The following B4GALNT3 variants were observed in gnomAD, a reference collection of about 807,000 sequenced individuals.
B4GALNT3 encodes the protein beta-1,4-N-acetyl-galactosaminyltransferase 3, also known as beta-1,4-N-acetylgalactosaminyltransferase 3.
A neutral mutation model predicts 120.2 loss-of-function variants in B4GALNT3; 86 were observed. The ratio of observed to expected loss-of-function variants is 0.72; its 90% CI spans 0.60 to 0.86. The LOEUF (loss-of-function observed/expected upper bound fraction) is 0.86. Ranked by LOEUF, B4GALNT3 falls within the 40% of genes least tolerant of loss-of-function variation. The pLI, the probability that B4GALNT3 is intolerant of heterozygous loss-of-function variation, is 0.00. For missense variants in B4GALNT3, 1,167 were observed against 1,298.9 expected (o/e 0.90, Z 1.56); for synonymous variants, 518 against 510.4 (o/e 1.01, Z -0.20).
At chr12:489,771 G>A (rs1187363995) in intron 1 of B4GALNT3, among the ~76,000 whole-genome samples, 1 of 152,170 alleles carries the variant, frequency 6.6e-6, no homozygotes, top group Admixed American at 6.5e-5. Flanking sequence ...GGATATAATT[G>A]ACATCTATGA....
chr12:556,036 G>A (rs1947152455), intron 14 of B4GALNT3, among the ~76,000 whole-genome samples: 2 of 152,012 alleles, frequency 1.3e-5, no homozygotes, highest in South Asian at 2.1e-4. Context: ...ACCTGCCTTG[G>A]CCTCCCAAAA....
At chr12:538,833 C>T (rs1946887290) in intron 3 of B4GALNT3, among the ~76,000 whole-genome samples, 1 of 152,186 alleles carries the variant, frequency 6.6e-6, no homozygotes, top group African/African-American at 2.4e-5. Context: ...CTTGCAGTCT[C>T]GCCACATTCT....
intron 1 of B4GALNT3, among the ~76,000 whole-genome samples, chr12:488,149 GA>G (rs200210120): frequency 0.13 from 16,353 of 127,544 alleles, 1,054 homozygotes; most frequent in East Asian, 0.24. Flanking sequence ...CTGAGAAGAA[GA>G]AAAAAAAAAA....
chr12:522,909 A>T (rs972588053), intron 1 of B4GALNT3, among the ~76,000 whole-genome samples: 1 of 135,970 alleles, frequency 7.4e-6, no homozygotes, highest in African/African-American at 2.8e-5. Context: ...TGTACTCTGC[A>T]CTCCAGCTGG....
rs199925734 is a variant in B4GALNT3, at chr12:550,922, T to G, written c.998T>G (p.Val333Gly). Reference sequence around the variant, plus strand: ...ACTCCTCCTCCTCCACTGTCCTCAGTGCCTCTGATCCCCAAGTCGCATCTC... The same window carrying G: ...ACTCCTCCTCCTCCACTGTCCTCAGGGCCTCTGATCCCCAAGTCGCATCTC... ...RPDPRDTLYR[V>G]PLIPKSHLRH... Residue 333 changes from valine (V) to glycine (G), a missense_variant and splice_region_variant, in exon 11 of 20, where the codon GTG (valine) becomes GGG (glycine). Transcript: ENST00000266383. This position sits in a 1 kb window ranked among gnomAD's most constrained non-coding sequence, Gnocchi z 4.1. 6 of 1,609,394 alleles carry G rather than the reference T, an allele frequency of 3.7e-6. No individual in the cohort carries two copies. The highest frequency in any genetic ancestry group is 2.2e-5 in the East Asian group (1 of 44,884).
At chr12:470,863 C>G (rs28712766) in intron 1 of B4GALNT3, among the ~76,000 whole-genome samples, 1 of 151,736 alleles carries the variant, frequency 6.6e-6, no homozygotes, top group Non-Finnish European at 1.5e-5. Flanking sequence ...CTCAATCTCC[C>G]GAGTAGCTGG....
intron 3 of B4GALNT3, among the ~76,000 whole-genome samples, chr12:539,159 A>G (rs1304178845): frequency 3.3e-5 from 5 of 152,216 alleles, no homozygotes; most frequent in African/African-American, 9.7e-5. Flanking sequence ...CAGCAGCCTC[A>G]GACGTTTTAC....
At chr12:478,455 A>G (rs1312130546) in intron 1 of B4GALNT3, among the ~76,000 whole-genome samples, 2 of 152,186 alleles carry the variant, frequency 1.3e-5, no homozygotes, top group East Asian at 1.9e-4. Context: ...GTATTTATTG[A>G]TTGAAGCAAG....
chr12:551,178 G>A lies in B4GALNT3; in HGVS notation c.1107+147G>A. On this transcript the variant is annotated intron_variant, in intron 11 of 19. Transcript: ENST00000266383. ...ACGTCCTCACAGGTCCCTGGGCTGGGAAGAACTTGCACTCCCAGATGGACC... is the reference window on the plus strand; with the variant it reads ...ACGTCCTCACAGGTCCCTGGGCTGGAAAGAACTTGCACTCCCAGATGGACC... The A allele has an allele frequency of 4.2e-6, 3 of 718,538 alleles. No homozygotes were observed. The South Asian group carries it at 5.4e-5, about 13-fold the overall frequency. The allele number at this position is 718,538 out of a possible 1,614,324, so 44.5% of individuals were successfully genotyped here. A position where few individuals can be genotyped will look rare whatever the true frequency, so the allele number is the denominator to read the frequency against.
In B4GALNT3 at chr12:558,649, C is replaced by A; in HGVS notation, c.2749C>A (p.Gln917Lys). Residue 917 changes from glutamine to lysine, a missense_variant, in exon 18 of 20, where the codon CAG becomes AAG. Transcript: ENST00000266383. ...GAGGCTGCATTGTGGGGCCACCCCCCAGTGGCCTGAGGGTGAGCCCTGCTC... is the reference window on the plus strand; with the variant it reads ...GAGGCTGCATTGTGGGGCCACCCCCAAGTGGCCTGAGGGTGAGCCCTGCTC... ...VMRLHCGATPQWPEGYWEVNG... is the reference protein window; with the variant it reads ...VMRLHCGATPKWPEGYWEVNG... 6.2e-7 allele frequency: 1 copy of A among 1,613,966 alleles called. No individual in the cohort carries two copies. Among genetic ancestry groups the A allele is most frequent in the South Asian group, 1.1e-5 (1 of 91,078 alleles).
At position 551,165 on chromosome 12, in the gene B4GALNT3, G is replaced by T; in HGVS notation, c.1107+134G>T. 3 of 768,498 alleles carry T rather than the reference G, an allele frequency of 3.9e-6. No homozygotes were observed. In the South Asian group the frequency reaches 5.2e-5, roughly 13 times the overall value. 47.6% of individuals were successfully genotyped at this position (768,498 alleles called of 1,614,324 possible). A position where few individuals can be genotyped will look rare whatever the true frequency, so the allele number is the denominator to read the frequency against. On this transcript the variant is annotated intron_variant, in intron 11 of 19. Coordinates refer to ENST00000266383, the MANE Select transcript of B4GALNT3 (RefSeq NM_173593.4). ...CCCAGCAGACAGGACGTCCTCACAG[G>T]TCCCTGGGCTGGGAAGAACTTGCAC...
chr12:539,021 G>GT (rs1946888674), intron 3 of B4GALNT3, among the ~76,000 whole-genome samples: 4 of 152,214 alleles, frequency 2.6e-5, no homozygotes, highest in African/African-American at 9.7e-5. Context: ...TTAGTGCAGG[G>GT]CCCTGCTAAA....
chr12:555,102 C>T (rs553094858), intron 14 of B4GALNT3, among the ~76,000 whole-genome samples: 8 of 151,520 alleles, frequency 5.3e-5, no homozygotes, highest in South Asian at 2.1e-4. Context: ...CACTTGAACC[C>T]GGGAGGTGGA....
intron 1 of B4GALNT3, among the ~76,000 whole-genome samples, chr12:491,518 G>A (rs567110453): frequency 4.0e-5 from 6 of 151,558 alleles, no homozygotes; most frequent in South Asian, 2.1e-4. Flanking sequence ...TTGTAGAGAC[G>A]GGGTTTTGCC....
At chr12:466,382 T>C (rs1382140024) in intron 1 of B4GALNT3, among the ~76,000 whole-genome samples, 1 of 152,194 alleles carries the variant, frequency 6.6e-6, no homozygotes, top group Non-Finnish European at 1.5e-5. Flanking sequence ...CGCTGTCTAG[T>C]TCTCCTCTGC....
Position 558,587 on chromosome 12 carries a change from G to A in B4GALNT3, c.2687G>A (p.Cys896Tyr). ...AGVIDAIRKH[C>Y]VEGKMAFAPM... ...GTCATCGATGCCATTCGGAAGCACTGTGTGGAGGGAAAGATGGCCTTTGCC... is the reference window on the plus strand; with the variant it reads ...GTCATCGATGCCATTCGGAAGCACTATGTGGAGGGAAAGATGGCCTTTGCC... The change falls in exon 18 of 20, where the codon TGT becomes TAT. Residue 896 changes from cysteine (C) to tyrosine (Y), a missense_variant. By Grantham distance (194) the Cys-to-Tyr change is radical (BLOSUM62 -2). Around this residue, in one of 3 missense-constraint regions of B4GALNT3, gnomAD observed 983 missense variants for 1,102.5 expected, o/e 0.89. Transcript: ENST00000266383. 1 of 1,614,170 alleles carries A rather than the reference G, an allele frequency of 6.2e-7. No individual in the cohort carries two copies. The highest frequency in any genetic ancestry group is 8.5e-7 in the Non-Finnish European group (1 of 1,180,008).
At chr12:520,964 G>T (rs1044023417) in intron 1 of B4GALNT3, among the ~76,000 whole-genome samples, 1 of 152,126 alleles carries the variant, frequency 6.6e-6, no homozygotes. Flanking sequence ...ATCCTGTAAA[G>T]TTTCTTAAGT....
intron 1 of B4GALNT3, among the ~76,000 whole-genome samples, chr12:490,110 A>G (rs984542231): frequency 6.6e-6 from 1 of 152,240 alleles, no homozygotes; most frequent in Non-Finnish European, 1.5e-5. Flanking sequence ...AGCAGTGCTT[A>G]GAGGGAAATT....
Position 562,310 on chromosome 12 carries a change from T to C in B4GALNT3, c.*859T>C, listed in dbSNP as rs1308356790. On this transcript the variant is annotated 3_prime_UTR_variant, in exon 20 of 20. Coordinates refer to ENST00000266383, the MANE Select transcript of B4GALNT3 (RefSeq NM_173593.4). The surrounding 1 kb of genome is among the most constrained non-coding windows in gnomAD (Gnocchi z 5.2). ...GTGGGTAAGGCCTCCCGAGAGGACA[T>C]GGAGAAGAGGTAAAGAGGATGTGGA... 1 of 152,138 alleles carries C rather than the reference T, an allele frequency of 6.6e-6. No individual in the cohort carries two copies. Among genetic ancestry groups the C allele is most frequent in the East Asian group, 1.9e-4 (1 of 5,170 alleles). The allele number at this position is 152,138 out of a possible 1,614,324, so 9.4% of individuals were successfully genotyped here.
Sources: gnomAD v4.1 joint callset for allele counts (sites outside exome capture counted in the v4.1 genomes callset) on GRCh38, gnomAD v4.1.1 for gene constraint, gnomAD v4.1.1 regional missense constraint, Gnocchi (gnomAD v3.1) non-coding constraint, MANE v1.5 for transcripts, NCBI Gene and HGNC (gene_info 2026-07-23, HGNC 2026-07-21) for gene names.